ALPK2: variants seen among roughly 807,000 people sequenced by gnomAD.
The protein encoded by ALPK2 is alpha-protein kinase 2.
In ALPK2, 127 loss-of-function variants were observed where a neutral mutation model predicts 163.1. The observed-to-expected ratio is 0.78, with a 90% CI of 0.67 to 0.90. ALPK2 has a LOEUF of 0.90. Among genes scored for constraint, ALPK2 ranks in the 40% least tolerant of loss-of-function variants. The pLI is 0.00. For missense variants in ALPK2, 2,360 were observed against 2,589.6 expected (o/e 0.91, Z 1.92); for synonymous variants, 953 against 959.1 (o/e 0.99, Z 0.12).
At chr18:58,484,161 T>G (rs1253519027) in intron 12 of ALPK2, among the ~76,000 whole-genome samples, 1 of 152,162 alleles carries the variant, frequency 6.6e-6, no homozygotes, top group Non-Finnish European at 1.5e-5. Context: ...TTTATTTTAG[T>G]GGTTGTTCAG....
intron 8 of ALPK2, among the ~76,000 whole-genome samples, chr18:58,520,423 C>T (rs1038473017): frequency 7.4e-5 from 7 of 94,450 alleles, no homozygotes; most frequent in African/African-American, 8.5e-5. Flanking sequence ...AATGAGACTC[C>T]GTCTCAAAAA....
chr18:58,594,801 C>T (rs967365118), intron 3 of ALPK2, among the ~76,000 whole-genome samples: 4 of 152,216 alleles, frequency 2.6e-5, no homozygotes, highest in Non-Finnish European at 4.4e-5. Flanking sequence ...GTCAGACACA[C>T]TCAGAACCTG....
At chr18:58,583,101 A>T (rs2051967591) in intron 3 of ALPK2, among the ~76,000 whole-genome samples, 2 of 152,222 alleles carry the variant, frequency 1.3e-5, no homozygotes, top group South Asian at 4.1e-4. Flanking sequence ...CTCCCACAAG[A>T]GTATGGCTTT....
At chr18:58,625,855 T>C (rs76503715) in intron 1 of ALPK2, among the ~76,000 whole-genome samples, 6,243 of 152,324 alleles carry the variant, frequency 0.041, 393 homozygotes, top group African/African-American at 0.14. Context: ...TTCGAGCTGA[T>C]GTCTGAAGTC....
chr18:58,551,069 A>C (rs2051757066), intron 4 of ALPK2, among the ~76,000 whole-genome samples: 1 of 150,928 alleles, frequency 6.6e-6, no homozygotes, highest in Non-Finnish European at 1.5e-5. Context: ...AGGTAACCCT[A>C]GTTTCCTGGG....
At chr18:58,552,344 T>C (rs1262199533) in intron 4 of ALPK2, among the ~76,000 whole-genome samples, 1 of 152,210 alleles carries the variant, frequency 6.6e-6, no homozygotes, top group African/African-American at 2.4e-5. Flanking sequence ...TGACAGACAC[T>C]GTGTTTCTTC....
At chr18:58,484,201 T>G (rs955215242) in intron 12 of ALPK2, among the ~76,000 whole-genome samples, 2 of 152,188 alleles carry the variant, frequency 1.3e-5, no homozygotes, top group African/African-American at 4.8e-5. Flanking sequence ...ATTTTTGTGT[T>G]GACCTGTATC....
At position 58,516,977 on chromosome 18, in the gene ALPK2, G is replaced by C; in HGVS notation, c.5871C>G (p.His1957Gln). ...TTCTGGTCCCATAGGCAATGGCATT[G>C]TGCACCTTAAGCACACAGGCATGGC... ...KPGHACVLKVHNAIAYGTRNN... is the reference protein window; with the variant it reads ...KPGHACVLKVQNAIAYGTRNN... The change falls in exon 9 of 13, where the codon CAC (histidine) becomes CAG (glutamine). Residue 1957 changes from histidine to glutamine, a missense_variant. Transcript: ENST00000361673. The C allele has an allele frequency of 6.2e-7, 1 of 1,614,166 alleles. No homozygotes were observed. The highest frequency in any genetic ancestry group is 8.5e-7 in the Non-Finnish European group (1 of 1,180,020).
intron 3 of ALPK2, among the ~76,000 whole-genome samples, chr18:58,586,600 C>T (rs1283063410): frequency 1.3e-5 from 2 of 152,116 alleles, no homozygotes; most frequent in Non-Finnish European, 2.9e-5. Flanking sequence ...GGGCAGGACC[C>T]AGTTGGGGCT....
chr18:58,498,766 G>C (rs960385440), intron 11 of ALPK2, among the ~76,000 whole-genome samples: 2 of 152,172 alleles, frequency 1.3e-5, no homozygotes, highest in Admixed American at 6.5e-5. Flanking sequence ...CTCTCATTCT[G>C]TCTGTGGCCT....
chr18:58,532,907 C>G (rs760047627), intron 5 of ALPK2, among the ~76,000 whole-genome samples: 3 of 151,910 alleles, frequency 2.0e-5, no homozygotes, highest in Non-Finnish European at 2.9e-5. Context: ...CTAATCTATA[C>G]CCTAACCACC....
At chr18:58,542,306 G>A (rs1251340183) in intron 4 of ALPK2, among the ~76,000 whole-genome samples, 3 of 152,198 alleles carry the variant, frequency 2.0e-5, no homozygotes, top group Non-Finnish European at 4.4e-5. Context: ...TGCCCAGAAG[G>A]CACTCACTCA....
At position 58,535,084 on chromosome 18, in the gene ALPK2, G is replaced by T. The variant is rs1475075423; in HGVS notation, c.5103C>A (p.Thr1701=). The change falls in exon 5 of 13, where the codon ACC becomes ACA. Residue 1701 remains threonine (T), a synonymous_variant. Transcript: ENST00000361673. ...LEARAGKSPG[T]LTAVTGSEEV... ...CCTCTGACCCCGTCACTGCTGTGAG[G>T]GTCCCTGGCGATTTGCCTGCTCGGG... 1 of 1,613,878 alleles carries T rather than the reference G, an allele frequency of 6.2e-7. No homozygotes were observed. The highest frequency in any genetic ancestry group is 2.2e-5 in the East Asian group (1 of 44,874).
chr18:58,482,112 G>T, intron 12 of ALPK2, 73 bp from the exon 13 acceptor site: 2 of 1,174,240 alleles, frequency 1.7e-6, no homozygotes, highest in Non-Finnish European at 2.5e-6. Context: ...AGAAAAACTT[G>T]AAAGGGAAAA....
intron 3 of ALPK2, among the ~76,000 whole-genome samples, chr18:58,589,777 A>G (rs1178503062): frequency 6.6e-6 from 1 of 152,218 alleles, no homozygotes; most frequent in East Asian, 1.9e-4. Flanking sequence ...TGGCCTGAAA[A>G]ATGGATAATC....
intron 10 of ALPK2, among the ~76,000 whole-genome samples, chr18:58,506,267 A>G (rs1370336979): frequency 2.0e-5 from 3 of 151,882 alleles, no homozygotes; most frequent in Non-Finnish European, 4.4e-5. Context: ...ATTGGGTGCC[A>G]TGTTCACTAT....
intron 4 of ALPK2, among the ~76,000 whole-genome samples, chr18:58,554,250 T>A (rs1469304055): frequency 2.0e-5 from 3 of 152,168 alleles, no homozygotes; most frequent in Non-Finnish European, 4.4e-5. Context: ...TGGACATTCG[T>A]GTGGATGCTT....
chr18:58,492,268 GCACACAGACATATATACGCGCACACA>G (rs1362019435), intron 12 of ALPK2, among the ~76,000 whole-genome samples: 32 of 151,766 alleles, frequency 2.1e-4, no homozygotes, highest in African/African-American at 6.8e-4. Flanking sequence ...ACAAAGACAC[GCACACAGACATATATACGCGCACACA>G]CACACGCACA....
At position 58,578,841 on chromosome 18, in the gene ALPK2, C is replaced by G. The variant is rs764966803; in HGVS notation, c.1935G>C (p.Gln645His). 1.2e-6 allele frequency: 2 copies of G among 1,613,592 alleles called. No individual in the cohort carries two copies. Among genetic ancestry groups the G allele is most frequent in the Non-Finnish European group, 1.7e-6 (2 of 1,179,894 alleles). The part of the protein sequence containing the change: ...MQVNTLFETS[Q>H]VPDWSDPPQV... Reference sequence around the variant, plus strand: ...GAGGAGGATCACTCCAGTCTGGAACCTGGCTTGTTTCAAATAGAGTATTAA... The same window carrying G: ...GAGGAGGATCACTCCAGTCTGGAACGTGGCTTGTTTCAAATAGAGTATTAA... Residue 645 changes from glutamine (Q) to histidine (H), a missense_variant, in exon 4 of 13, where the codon CAG becomes CAC. Gln to His is a conservative substitution (Grantham distance 24). Coordinates refer to ENST00000361673, the MANE Select transcript of ALPK2 (RefSeq NM_052947.4).
Sources: gnomAD v4.1 joint callset for allele counts (sites outside exome capture counted in the v4.1 genomes callset) on GRCh38, gnomAD v4.1.1 for gene constraint, MANE v1.5 for transcripts, NCBI Gene and HGNC (gene_info 2026-07-23, HGNC 2026-07-21) for gene names.